HEATR9: variants seen among roughly 807,000 people sequenced by gnomAD.
HEATR9 encodes HEAT repeat containing 9.
HEATR9 carries 54 observed loss-of-function variants against 68.2 expected under a neutral mutation model. That is an observed-to-expected ratio of 0.79 (90% CI 0.64 to 0.99). The LOEUF (loss-of-function observed/expected upper bound fraction) is 0.99, where lower values mean the gene tolerates loss of function less well. HEATR9 is among the 50% of genes least tolerant of loss of function. HEATR9 has a pLI of 0.00. For missense variants in HEATR9, 662 were observed against 679.7 expected (o/e 0.97, Z 0.29); for synonymous variants, 241 against 253.5 (o/e 0.95, Z 0.47).
chr17:35,864,591 G>GA, intron 4 of HEATR9, 38 bp from the exon 5 acceptor site: 1 of 1,596,226 alleles, frequency 6.3e-7, no homozygotes, highest in South Asian at 1.1e-5. Context: ...GGAAGACAGA[G>GA]AAAAATAAAG....
intron 1 of HEATR9, among the ~76,000 whole-genome samples, chr17:35,867,451 AAAAAAG>A: frequency 2.0e-5 from 3 of 151,262 alleles, no homozygotes; most frequent in Admixed American, 6.6e-5. Flanking sequence ...AAAAAAAAAA[AAAAAAG>A]AGATAGCAGT....
intron 8 of HEATR9, chr17:35,861,032 C>A (rs1029714527): frequency 4.3e-6 from 3 of 705,266 alleles, no homozygotes; most frequent in Admixed American, 3.9e-5. Flanking sequence ...GGTGACAGAG[C>A]GAGATTCGGT....
chr17:35,868,381 G>A (rs757079926), intron 1 of HEATR9, among the ~76,000 whole-genome samples: 4 of 152,192 alleles, frequency 2.6e-5, no homozygotes, highest in Non-Finnish European at 5.9e-5. Flanking sequence ...AGATTTGGAG[G>A]TGCAAGAATT....
intron 8 of HEATR9, among the ~76,000 whole-genome samples, chr17:35,860,479 T>TTTATTTA (rs1303796847): frequency 0.011 from 1,020 of 94,132 alleles, 24 homozygotes; most frequent in African/African-American, 0.044. Context: ...TATTTATTTA[T>TTTATTTA]TTTATTTATT....
chr17:35,864,679 G>T (rs1475726021), intron 4 of HEATR9, 79 bp downstream of exon 4: 5 of 1,601,594 alleles, frequency 3.1e-6, no homozygotes, highest in Middle Eastern at 1.7e-4. Flanking sequence ...AGGACTGAGG[G>T]CTGAAGGATG....
rs115615446 is a variant in HEATR9, at chr17:35,864,565, A to G, written c.454-12T>C. The G allele has an allele frequency of 1.6e-3, 2,633 of 1,611,626 alleles. 48 individuals are homozygous for G. The African/African-American group carries it at 0.03, about 18-fold the overall frequency. On this transcript the variant is annotated splice_polypyrimidine_tract_variant and intron_variant, in intron 4 of 14. Transcript: ENST00000604834. Reference sequence around the variant, plus strand: ...CTTTTTGTGAGTTCCTGCCCATCCAAGGCAGCCAGTGGAAAGGAAGACAGA... The same window carrying G: ...CTTTTTGTGAGTTCCTGCCCATCCAGGGCAGCCAGTGGAAAGGAAGACAGA...
At chr17:35,868,448 T>A in intron 1 of HEATR9, 2 of 806,664 alleles carry the variant, frequency 2.5e-6, no homozygotes, top group Non-Finnish European at 3.6e-6. Context: ...CACACAGGTG[T>A]CCCATCTTAG....
chr17:35,864,361 C>T, intron 5 of HEATR9, 59 bp from the exon 6 acceptor site: 1 of 1,533,244 alleles, frequency 6.5e-7, no homozygotes, highest in South Asian at 1.1e-5. Context: ...CCAGGAGTTA[C>T]CATTCTCTGG....
At chr17:35,861,461 A>T in intron 8 of HEATR9, 1 of 1,544,382 alleles carries the variant, frequency 6.5e-7, no homozygotes, top group Non-Finnish European at 8.9e-7. Context: ...TTTCTATGAC[A>T]CTTAGATTTA....
rs116659120 is a variant in HEATR9 at position 35,859,009 on chromosome 17, G to A, written c.818C>T (p.Ser273Leu). 2.8e-3 allele frequency: 4,551 copies of A among 1,614,164 alleles called. 13 individuals are homozygous for A. Among genetic ancestry groups the A allele is most frequent in the Non-Finnish European group, 3.6e-3 (4,232 of 1,180,024 alleles). The change falls in exon 9 of 15, where the codon TCG (serine) becomes TTG (leucine). Residue 273 changes from serine (S) to leucine (L), a missense_variant. By Grantham distance (145) the Ser-to-Leu change is moderately radical. Coordinates refer to ENST00000604834, the MANE Select transcript of HEATR9 (RefSeq NM_152781.4). The part of the protein sequence containing the change: ...VPVLQTLIKK[S>L]SSEASLEAAL... ...TGCCTCCAGAGATGCTTCACTGGAC[G>A]ACTTCTTGATCAGTGTCTGTAGTAC...
At chr17:35,867,182 C>A (rs1047783354) in intron 1 of HEATR9, among the ~76,000 whole-genome samples, 2 of 152,102 alleles carry the variant, frequency 1.3e-5, no homozygotes, top group South Asian at 4.2e-4. Context: ...ATGGTGTGAA[C>A]CCGGGAGGCG....
At chr17:35,864,356 A>G in intron 5 of HEATR9, 54 bp from the exon 6 acceptor site, 3 of 1,540,352 alleles carry the variant, frequency 1.9e-6, no homozygotes. Context: ...CATCCCCAGG[A>G]GTTACCATTC....
intron 6 of HEATR9, 112 bp downstream of exon 6, chr17:35,864,134 C>T: frequency 2.4e-6 from 2 of 826,758 alleles, no homozygotes; most frequent in Admixed American, 1.9e-5. Context: ...TGTGTCCTTA[C>T]TGGATCTGAC....
At chr17:35,859,455 ACT>A (rs915122818) in intron 8 of HEATR9, among the ~76,000 whole-genome samples, 9 of 151,778 alleles carry the variant, frequency 5.9e-5, no homozygotes, top group African/African-American at 1.9e-4. Flanking sequence ...CATGGATCCC[ACT>A]CTCTGACCAT....
intron 6 of HEATR9, 132 bp from the exon 7 acceptor site, chr17:35,863,691 C>G (rs1351873763): frequency 5.2e-6 from 5 of 955,942 alleles, no homozygotes; most frequent in African/African-American, 1.6e-5. Context: ...TATCTATTCT[C>G]AAATACAGAA....
rs1170678922 is a variant in HEATR9 at position 35,855,738 on chromosome 17, TC to T, written c.1290del (p.Ile431SerfsTer14). 6.2e-7 allele frequency: 1 copy of T among 1,613,756 alleles called. No individual in the cohort carries two copies. Among genetic ancestry groups the T allele is most frequent in the Non-Finnish European group, 8.5e-7 (1 of 1,179,976 alleles). On this transcript the variant is annotated frameshift_variant, in exon 14 of 15. Transcript: ENST00000604834. LOFTEE classifies it high-confidence loss of function. ...QEAVISLGVLGIRSPQVFHLL... is the reference protein window; with the variant it reads ...QEAVISLGVLXIRSPQVFHLL... ...AAGTGGAACACTTGTGGACTGCGGA[TC>T]CCCAGGACACCCTGGCAGAGGCAGA... is the stretch of plus-strand genomic sequence containing the variant.
Position 35,859,003 on chromosome 17 carries a change from C to G in HEATR9, c.824G>C (p.Ser275Thr), listed in dbSNP as rs1468335620. The change falls in exon 9 of 15, where the codon AGT becomes ACT. Residue 275 changes from serine (S) to threonine (T), a missense_variant. Ser to Thr is a moderately conservative substitution (Grantham distance 58, BLOSUM62 1). Transcript: ENST00000604834. ...VLQTLIKKSS[S>T]EASLEAALCL... is the part of the protein sequence containing the mutation. ...CAGGGCTGCCTCCAGAGATGCTTCACTGGACGACTTCTTGATCAGTGTCTG... is the reference window on the plus strand; with the variant it reads ...CAGGGCTGCCTCCAGAGATGCTTCAGTGGACGACTTCTTGATCAGTGTCTG... 27 of 1,614,100 alleles carry G rather than the reference C, an allele frequency of 1.7e-5. No homozygotes were observed. Among genetic ancestry groups the G allele is most frequent in the Non-Finnish European group, 2.2e-5 (26 of 1,180,058 alleles).
At chr17:35,855,851 AGG>A in intron 13 of HEATR9, 101 bp from the exon 14 acceptor site, 1 of 1,011,254 alleles carries the variant, frequency 9.9e-7, no homozygotes, top group South Asian at 1.3e-5. Flanking sequence ...CAGCATAGAG[AGG>A]GGGGAGATAG....
Position 35,863,523 on chromosome 17 carries a change from A to T in HEATR9, c.604T>A (p.Tyr202Asn). ...TCACCCAGGATGGCCAGGGTTCGGT[A>T]GGCCTCGTACTTCACTTTCTCTGGA... Reference protein sequence around the residue: ...TGPEKVKYEAYRTLAILGCLN... With the variant: ...TGPEKVKYEANRTLAILGCLN... The change falls in exon 7 of 15, where the codon TAC (tyrosine) becomes AAC (asparagine). Residue 202 changes from tyrosine (Y) to asparagine (N), a missense_variant. Tyr to Asn is a moderately radical substitution (Grantham distance 143). Transcript: ENST00000604834. 1 of 1,614,242 alleles carries T rather than the reference A, an allele frequency of 6.2e-7. No homozygotes were observed. Among genetic ancestry groups the T allele is most frequent in the South Asian group, 1.1e-5 (1 of 91,088 alleles).
Sources: allele counts gnomAD v4.1 joint callset (sites outside exome capture counted in the v4.1 genomes callset), GRCh38; gene constraint gnomAD v4.1.1; transcripts MANE v1.5; gene names NCBI Gene and HGNC (gene_info 2026-07-23, HGNC 2026-07-21).